The following PNCK variants were observed in gnomAD, a reference collection of about 807,000 sequenced individuals.
PNCK encodes pregnancy up-regulated nonubiquitous CaM kinase, also known as calcium/calmodulin-dependent protein kinase type 1B.
A neutral mutation model predicts 28.3 loss-of-function variants in PNCK; 21 were observed. That is an observed-to-expected ratio of 0.74 (90% CI 0.53 to 1.07). The LOEUF (loss-of-function observed/expected upper bound fraction) is 1.07. PNCK is among the 50% of genes least tolerant of loss of function. PNCK has a pLI of 0.00. For missense variants in PNCK, 250 were observed against 298.3 expected (o/e 0.84, Z 1.19); for synonymous variants, 136 against 125.2 (o/e 1.09, Z -0.58).
intron 1 of PNCK, among the ~76,000 whole-genome samples, chrX:153,680,759 G>A (rs183151715): frequency 1.8e-5 from 2 of 110,108 alleles, no homozygotes; most frequent in African/African-American, 6.6e-5. Context: ...GCTGGGCGCG[G>A]TGGCTCATGC....
intron 1 of PNCK, among the ~76,000 whole-genome samples, chrX:153,685,896 G>T (rs782093321): frequency 1.8e-5 from 2 of 112,793 alleles, no homozygotes; most frequent in African/African-American, 6.4e-5. Flanking sequence ...TGGCCCAGGG[G>T]CTGGTAGTGG....
At chrX:153,683,131 G>T (rs1035546788) in intron 1 of PNCK, among the ~76,000 whole-genome samples, 1 of 112,113 alleles carries the variant, frequency 8.9e-6, no homozygotes, top group Non-Finnish European at 1.9e-5. Flanking sequence ...TGAAGGCTGG[G>T]ATTTATTTAT....
intron 1 of PNCK, among the ~76,000 whole-genome samples, chrX:153,680,960 C>T: frequency 1.1e-5 from 1 of 91,448 alleles, no homozygotes; most frequent in African/African-American, 4.4e-5. Context: ...GCCCAGGAGG[C>T]GGAGGTTGCA....
chrX:153,687,057 C>T (rs781858054), intron 1 of PNCK: 2 of 151,369 alleles, frequency 1.3e-5, no homozygotes, highest in African/African-American at 6.4e-5. Flanking sequence ...TACTCTTAGC[C>T]CTAGAAAATT....
At chrX:153,675,995 T>G (rs1461110413), upstream of PNCK, among the ~76,000 whole-genome samples, 1 of 103,285 alleles carries the variant, frequency 9.7e-6, no homozygotes, top group African/African-American at 3.5e-5. Context: ...TTCTTTTTTT[T>G]TTTTTTTTTT....
chrX:153,686,463 C>T (rs782398663), intron 1 of PNCK: 2 of 112,109 alleles, frequency 1.8e-5, no homozygotes, highest in African/African-American at 6.5e-5. Flanking sequence ...CACGCGCCCA[C>T]CCCGCACTCC....
chrX:153,680,102 C>A (rs1603208271), intron 1 of PNCK, among the ~76,000 whole-genome samples: 3 of 110,420 alleles, frequency 2.7e-5, no homozygotes, highest in East Asian at 5.6e-4. Flanking sequence ...GTGTAAACAT[C>A]TGCTGAAATC....
upstream of PNCK, among the ~76,000 whole-genome samples, chrX:153,678,476 A>G (rs1433782734): frequency 3.6e-5 from 4 of 111,494 alleles, no homozygotes; most frequent in Non-Finnish European, 7.5e-5. Flanking sequence ...TAAAAATTAA[A>G]ATTAAAGTGA....
At chrX:153,676,563 G>C (rs781999967), upstream of PNCK, among the ~76,000 whole-genome samples, 1 of 111,842 alleles carries the variant, frequency 8.9e-6, no homozygotes, top group Non-Finnish European at 1.9e-5. Flanking sequence ...AAATGGCCTT[G>C]CTAAGGAGAT....
chrX:153,687,285 C>T, intron 1 of PNCK: 2 of 276,564 alleles, frequency 7.2e-6, no homozygotes, highest in South Asian at 6.7e-5. Context: ...GTCCGAAGCC[C>T]CTACCCACTC....
upstream of PNCK, among the ~76,000 whole-genome samples, chrX:153,677,001 G>A (rs1557041671): frequency 8.9e-6 from 1 of 112,018 alleles, no homozygotes; most frequent in African/African-American, 3.2e-5. Context: ...AGGCAATTGT[G>A]TGATCTCCGC....
chrX:153,677,719 A>G (rs782749653), upstream of PNCK, among the ~76,000 whole-genome samples: 17 of 96,599 alleles, frequency 1.8e-4, no homozygotes, highest in South Asian at 7.1e-3. Context: ...TATATAGTGC[A>G]TATATATAGT....
rs1273007105 is a variant in PNCK at position 153,671,816 on chromosome X, G to A, written c.414+64C>T. 11 of 1,184,059 alleles carry A rather than the reference G, an allele frequency of 9.3e-6. No individual in the cohort carries two copies. The East Asian group carries it at 2.7e-4, about 29-fold the overall frequency. ...AGAAAGGCCCCAGCCGTGCTCCCGG[G>A]AAAACAAAGGCAGGGCCAGGTGGGC... is the stretch of plus-strand genomic sequence containing the variant. On this transcript the variant is annotated intron_variant, in intron 5 of 11. Transcript: ENST00000340888.
intron 1 of PNCK, among the ~76,000 whole-genome samples, chrX:153,680,048 C>T (rs1557042281): frequency 9.1e-6 from 1 of 110,340 alleles, no homozygotes; most frequent in Admixed American, 9.8e-5. Flanking sequence ...AGTGATAGCA[C>T]AACTCAAAAA....
Position 153,670,062 on chromosome X carries a change from G to A in PNCK, c.*76C>T. 7.2e-6 allele frequency: 2 copies of A among 277,970 alleles called. No individual in the cohort carries two copies. The highest frequency in any genetic ancestry group is 6.9e-5 in the South Asian group (2 of 29,003). 22.9% of individuals were successfully genotyped at this position (277,970 alleles called of 1,213,427 possible). A position where few individuals can be genotyped will look rare whatever the true frequency, so the allele number is the denominator to read the frequency against. On this transcript the variant is annotated 3_prime_UTR_variant, in exon 12 of 12. Transcript: ENST00000340888. ...GAGGCCAGCCCCAGGGGGAGGGGTTGGGGGAGGGGACCGAAAGCATCCAAG... is the reference window on the plus strand; with the variant it reads ...GAGGCCAGCCCCAGGGGGAGGGGTTAGGGGAGGGGACCGAAAGCATCCAAG...
At chrX:153,670,684 G>A in intron 10 of PNCK, 60 bp downstream of exon 10, 1 of 1,188,938 alleles carries the variant, frequency 8.4e-7, no homozygotes. Flanking sequence ...GGCAGCCACG[G>A]CGATCAGGCT....
chrX:153,674,449 C>G (rs368914282), upstream of PNCK: 6,204 of 272,591 alleles, frequency 0.023, 343 homozygotes, highest in African/African-American at 0.15. Context: ...CTCCTGACGG[C>G]CCTAGCCTTT....
intron 10 of PNCK, 24 bp from the exon 11 acceptor site, chrX:153,670,618 GCCAGGCCTGGGCCCAGGCC>G (rs781999306): frequency 5.7e-5 from 68 of 1,202,269 alleles, no homozygotes; most frequent in Middle Eastern, 2.6e-4. Flanking sequence ...GGGAGATCAG[GCCAGGCCTGGGCCCAGGCC>G]CCAGCCCCTA....
chrX:153,672,347 G>T, intron 3 of PNCK, 147 bp from the exon 4 acceptor site: 1 of 834,568 alleles, frequency 1.2e-6, no homozygotes, highest in Non-Finnish European at 1.7e-6. Context: ...GTCCAGGAAG[G>T]CAGAGCTCCA....
Sources: allele counts gnomAD v4.1 joint callset (sites outside exome capture counted in the v4.1 genomes callset), GRCh38; gene constraint gnomAD v4.1.1; transcripts MANE v1.5; gene names NCBI Gene and HGNC (gene_info 2026-07-23, HGNC 2026-07-21).